The following SLC5A3 variants were observed in gnomAD, a reference collection of about 807,000 sequenced individuals.
SLC5A3 encodes solute carrier family 5 member 3.
Under a neutral mutation model 43.2 loss-of-function variants are expected in SLC5A3, and 10 were observed. That is an observed-to-expected ratio of 0.23 (90% CI 0.14 to 0.39). The LOEUF (loss-of-function observed/expected upper bound fraction) is 0.39, where lower values mean the gene tolerates loss of function less well. SLC5A3 is among the 10% of genes least tolerant of loss of function. The probability of loss-of-function intolerance (pLI) is 1.00; values close to 1 mark genes in which losing one functional copy is unlikely to be tolerated. For synonymous variants in SLC5A3, 349 were observed against 322.0 expected, an observed-to-expected ratio of 1.08 and a Z score of -0.90; for missense variants, 608 against 893.4, an observed-to-expected ratio of 0.68 and a Z score of 4.07.
chr21:34,090,335 A>G (rs764405417), intron 1 of SLC5A3, among the ~76,000 whole-genome samples: 49 of 152,254 alleles, frequency 3.2e-4, no homozygotes, highest in Non-Finnish European at 5.9e-4. Context: ...TTAGTAGTCT[A>G]TTCCACCACA....
chr21:34,105,431 T>C lies in SLC5A3; in HGVS notation c.*8076T>C, dbSNP rs1048142193. On this transcript the variant is annotated 3_prime_UTR_variant, in exon 2 of 2. Coordinates refer to ENST00000381151, the MANE Select transcript of SLC5A3 (RefSeq NM_006933.7). ...TGTGAAATTGCTTCATTCATTCATT[T>C]ATTTTTAAGCCAAATGTCAGCAGAG... 3.4e-5 allele frequency: 34 copies of C among 997,286 alleles called. No homozygotes were observed. Among genetic ancestry groups the C allele is most frequent in the Non-Finnish European group, 3.9e-5 (32 of 827,416 alleles). The allele number at this position is 997,286 out of a possible 1,614,324, so 61.8% of individuals were successfully genotyped here.
intron 1 of SLC5A3, among the ~76,000 whole-genome samples, chr21:34,089,983 A>G (rs1393652080): frequency 6.6e-6 from 1 of 152,188 alleles, no homozygotes; most frequent in African/African-American, 2.4e-5. Context: ...GGGATATTGC[A>G]TATTACTTGG....
intron 1 of SLC5A3, among the ~76,000 whole-genome samples, chr21:34,093,301 TAGAA>T (rs908150788): frequency 8.6e-5 from 13 of 151,930 alleles, no homozygotes; most frequent in African/African-American, 2.7e-4. Flanking sequence ...CGTTGACACT[TAGAA>T]AGGATTTAAA....
Position 34,100,674 on chromosome 21 carries a change from G to A in SLC5A3, c.*3319G>A. On this transcript the variant is annotated 3_prime_UTR_variant, in exon 2 of 2. Transcript: ENST00000381151. Reference sequence around the variant, plus strand: ...CACATTTTAAGAACTGAGTTGAGGGGGTTGTTATGCACTTCTGTAACTTGA... The same window carrying A: ...CACATTTTAAGAACTGAGTTGAGGGAGTTGTTATGCACTTCTGTAACTTGA... 1.0e-6 allele frequency: 1 copy of A among 1,000,130 alleles called. No individual in the cohort carries two copies. The highest frequency in any genetic ancestry group is 4.7e-5 in the South Asian group (1 of 21,288). The allele number at this position is 1,000,130 out of a possible 1,614,324, so 62.0% of individuals were successfully genotyped here. A position where few individuals can be genotyped will look rare whatever the true frequency, so the allele number is the denominator to read the frequency against.
rs1979053824 is a variant in SLC5A3 at position 34,098,017 on chromosome 21, AGTTT to A, written c.*663_*666del. On this transcript the variant is annotated 3_prime_UTR_variant, in exon 2 of 2. Coordinates refer to ENST00000381151, the MANE Select transcript of SLC5A3 (RefSeq NM_006933.7). ...CTTTTTTTTTTTCTTTCTACTTTCA[AGTTT>A]AAGTGAACCATACTGAAATGACCAA... 6 of 999,130 alleles carry A rather than the reference AGTTT, an allele frequency of 6.0e-6. No homozygotes were observed. Among genetic ancestry groups the A allele is most frequent in the Non-Finnish European group, 7.2e-6 (6 of 829,696 alleles). 61.9% of individuals were successfully genotyped at this position (999,130 alleles called of 1,614,324 possible).
chr21:34,097,278 G>A lies in SLC5A3; in HGVS notation c.2080G>A (p.Val694Ile), dbSNP rs555822620. The A allele has an allele frequency of 2.5e-6, 4 of 1,613,750 alleles. No individual in the cohort carries two copies. Among genetic ancestry groups the A allele is most frequent in the Non-Finnish European group, 3.4e-6 (4 of 1,179,824 alleles). Residue 694 changes from valine (V) to isoleucine (I), a missense_variant, in exon 2 of 2, where the codon GTT (valine) becomes ATT (isoleucine). By Grantham distance (29) the Val-to-Ile change is conservative (BLOSUM62 3). Transcript: ENST00000381151. Reference protein sequence around the residue: ...CLQMLEETRQVKVILNIGLFA... With the variant: ...CLQMLEETRQIKVILNIGLFA... ...ACAGATGCTAGAAGAGACTCGGCAA[G>A]TTAAAGTAATACTAAATATTGGACT...
At position 34,095,334 on chromosome 21, in the gene SLC5A3, A is replaced by G. The variant is rs1237869570; in HGVS notation, c.136A>G (p.Met46Val). The G allele has an allele frequency of 1.9e-6, 3 of 1,614,024 alleles. No individual in the cohort carries two copies. Among genetic ancestry groups the G allele is most frequent in the Non-Finnish European group, 2.5e-6 (3 of 1,179,992 alleles). ...VSGYFLAGRSMTWVAIGASLF... is the reference protein window; with the variant it reads ...VSGYFLAGRSVTWVAIGASLF... ...TGGATACTTCCTGGCGGGGCGCTCT[A>G]TGACCTGGGTAGCAATTGGTGCCTC... The change falls in exon 2 of 2, where the codon ATG (methionine) becomes GTG (valine). Residue 46 changes from methionine to valine, a missense_variant. This residue lies in a region of SLC5A3 where 398 missense variants were observed against 668.6 expected (regional missense o/e 0.60). Transcript: ENST00000381151.
rs1979461373 is a variant in SLC5A3, at chr21:34,106,008, A to G, written c.*8653A>G. 5 of 994,776 alleles carry G rather than the reference A, an allele frequency of 5.0e-6. No individual in the cohort carries two copies. The highest frequency in any genetic ancestry group is 6.1e-6 in the Non-Finnish European group (5 of 824,952). 61.6% of individuals were successfully genotyped at this position (994,776 alleles called of 1,614,324 possible). A position where few individuals can be genotyped will look rare whatever the true frequency, so the allele number is the denominator to read the frequency against. ...TGAAAGTGTTATTGTTTAAAAAATGAAAAAAGCATATCTGCTAAAGAGCTG... is the reference window on the plus strand; with the variant it reads ...TGAAAGTGTTATTGTTTAAAAAATGGAAAAAGCATATCTGCTAAAGAGCTG... On this transcript the variant is annotated 3_prime_UTR_variant, in exon 2 of 2. Transcript: ENST00000381151.
intron 1 of SLC5A3, among the ~76,000 whole-genome samples, chr21:34,083,576 G>C (rs1989506003): frequency 6.6e-6 from 1 of 152,186 alleles, no homozygotes. Context: ...CCAGTCATGG[G>C]TTGTTTTGAT....
At chr21:34,078,429 A>G (rs1031326230) in intron 1 of SLC5A3, among the ~76,000 whole-genome samples, 1 of 151,988 alleles carries the variant, frequency 6.6e-6, no homozygotes, top group Non-Finnish European at 1.5e-5. Flanking sequence ...TCCTCACCAG[A>G]TATGGTTTGT....
chr21:34,074,923 G>T (rs550209438), intron 1 of SLC5A3, among the ~76,000 whole-genome samples: 1 of 152,212 alleles, frequency 6.6e-6, no homozygotes, highest in South Asian at 2.1e-4. Flanking sequence ...AGGGACGCCA[G>T]TGCCTCTCTA....
intron 1 of SLC5A3, among the ~76,000 whole-genome samples, chr21:34,087,342 T>A (rs111810837): frequency 2.6e-5 from 4 of 152,326 alleles, no homozygotes; most frequent in Non-Finnish European, 5.9e-5. Flanking sequence ...ATTGGAAGTT[T>A]AGCAGTCTTG....
In SLC5A3 at chr21:34,099,891, C is replaced by A; in HGVS notation, c.*2536C>A. 1 of 358,666 alleles carries A rather than the reference C, an allele frequency of 2.8e-6. No individual in the cohort carries two copies. The highest frequency in any genetic ancestry group is 4.1e-6 in the Non-Finnish European group (1 of 243,928). 22.2% of individuals were successfully genotyped at this position (358,666 alleles called of 1,614,324 possible). On this transcript the variant is annotated 3_prime_UTR_variant, in exon 2 of 2. Coordinates refer to ENST00000381151, the MANE Select transcript of SLC5A3 (RefSeq NM_006933.7). ...TTGCTTCCCAGTAATAGATAATGTG[C>A]TCGAGTAAGTTTGTGAATTGCTGAT...
chr21:34,096,256 G>A lies in SLC5A3; in HGVS notation c.1058G>A (p.Arg353His), dbSNP rs144212752. 20 of 1,613,984 alleles carry A rather than the reference G, an allele frequency of 1.2e-5. No individual in the cohort carries two copies. Among genetic ancestry groups the A allele is most frequent in the African/African-American group, 2.7e-5 (2 of 74,928 alleles). ...GGTTGCTCCAATATTGCTTACCCAC[G>A]CCTGGTGATGAAGCTGGTTCCTGTG... ...RAGCSNIAYP[R>H]LVMKLVPVGL... Residue 353 changes from arginine to histidine, a missense_variant, in exon 2 of 2, where the codon CGC (arginine) becomes CAC (histidine). This residue lies in a region of SLC5A3 where 398 missense variants were observed against 668.6 expected (regional missense o/e 0.60). Transcript: ENST00000381151. This position sits in a 1 kb window ranked among gnomAD's most constrained non-coding sequence, Gnocchi z 5.9.
chr21:34,097,466 C>G lies in SLC5A3; in HGVS notation c.*111C>G, dbSNP rs1979020109. 3 of 1,454,048 alleles carry G rather than the reference C, an allele frequency of 2.1e-6. No individual in the cohort carries two copies. The highest frequency in any genetic ancestry group is 2.7e-6 in the Non-Finnish European group (3 of 1,103,708). 90.1% of individuals were successfully genotyped at this position (1,454,048 alleles called of 1,614,324 possible). Reference sequence around the variant, plus strand: ...CATTGTTTACGCTGTAGGTTTTAGCCAAATTTTACTTAGCAGAAAATCATC... The same window carrying G: ...CATTGTTTACGCTGTAGGTTTTAGCGAAATTTTACTTAGCAGAAAATCATC... On this transcript the variant is annotated 3_prime_UTR_variant, in exon 2 of 2. Transcript: ENST00000381151.
Position 34,098,990 on chromosome 21 carries a change from C to CA in SLC5A3, c.*1636dup. 3 of 988,236 alleles carry CA rather than the reference C, an allele frequency of 3.0e-6. No homozygotes were observed. The highest frequency in any genetic ancestry group is 3.7e-6 in the Non-Finnish European group (3 of 819,118). The allele number at this position is 988,236 out of a possible 1,614,324, so 61.2% of individuals were successfully genotyped here. A position where few individuals can be genotyped will look rare whatever the true frequency, so the allele number is the denominator to read the frequency against. ...CTTTTGTAGATTTTGAATCAAAACTCAGTCTTTTTAATTTTTTTGTAGTCT... is the reference window on the plus strand; with the variant it reads ...CTTTTGTAGATTTTGAATCAAAACTCAAGTCTTTTTAATTTTTTTGTAGTCT... On this transcript the variant is annotated 3_prime_UTR_variant, in exon 2 of 2. Transcript: ENST00000381151.
chr21:34,093,573 A>T (rs963757378), intron 1 of SLC5A3, among the ~76,000 whole-genome samples: 1 of 151,812 alleles, frequency 6.6e-6, no homozygotes, highest in African/African-American at 2.4e-5. Flanking sequence ...TAAAAGGAAA[A>T]TGCCTAGAAT....
At position 34,099,034 on chromosome 21, in the gene SLC5A3, G is replaced by GA. The variant is rs1979107365; in HGVS notation, c.*1680dup. On this transcript the variant is annotated 3_prime_UTR_variant, in exon 2 of 2. Transcript: ENST00000381151. ...GTAGTCTATAAACTAGTTTCATTAT[G>GA]ATGGACTTGATTAGTCCAAAGTTAA... 1 of 989,212 alleles carries GA rather than the reference G, an allele frequency of 1.0e-6. No homozygotes were observed. The highest frequency in any genetic ancestry group is 1.2e-6 in the Non-Finnish European group (1 of 820,082). The allele number at this position is 989,212 out of a possible 1,614,324, so 61.3% of individuals were successfully genotyped here. A position where few individuals can be genotyped will look rare whatever the true frequency, so the allele number is the denominator to read the frequency against.
Position 34,098,208 on chromosome 21 carries a change from T to TA in SLC5A3, c.*854dup. On this transcript the variant is annotated 3_prime_UTR_variant, in exon 2 of 2. Transcript: ENST00000381151. Reference sequence around the variant, plus strand: ...CCCCCTAAGCAGTGTTTGATTAACTTATGCTAATCAGATGATTACTCATAT... The same window carrying TA: ...CCCCCTAAGCAGTGTTTGATTAACTTAATGCTAATCAGATGATTACTCATAT... 1 of 999,586 alleles carries TA rather than the reference T, an allele frequency of 1.0e-6. No homozygotes were observed. Among genetic ancestry groups the TA allele is most frequent in the Middle Eastern group, 5.2e-4 (1 of 1,914 alleles). 61.9% of individuals were successfully genotyped at this position (999,586 alleles called of 1,614,324 possible).
Sources: allele counts gnomAD v4.1 joint callset (sites outside exome capture counted in the v4.1 genomes callset), GRCh38; gene constraint gnomAD v4.1.1; regional missense constraint gnomAD v4.1.1; non-coding constraint Gnocchi (gnomAD v3.1); transcripts MANE v1.5; gene names NCBI Gene and HGNC (gene_info 2026-07-23, HGNC 2026-07-21).